GPD1L: variants seen among roughly 807,000 people sequenced by gnomAD.
GPD1L encodes the protein glycerol-3-phosphate dehydrogenase 1-like protein.
GPD1L carries 17 observed loss-of-function variants against 32.9 expected under a neutral mutation model. The observed-to-expected ratio is 0.52, with a 90% confidence interval of 0.35 to 0.78. The LOEUF (loss-of-function observed/expected upper bound fraction) is 0.78, where lower values mean the gene tolerates loss of function less well. Ranked by LOEUF, GPD1L falls within the 30% of genes least tolerant of loss-of-function variation. The pLI is 0.01. For missense variants in GPD1L, 361 were observed against 447.8 expected (o/e 0.81, Z 1.75); for synonymous variants, 187 against 165.9 (o/e 1.13, Z -0.98).
intron 1 of GPD1L, among the ~76,000 whole-genome samples, chr3:32,116,077 C>T (rs1406376538): frequency 2.0e-5 from 3 of 151,984 alleles, no homozygotes; most frequent in East Asian, 3.9e-4. Flanking sequence ...TGTGAGCCAC[C>T]GTGCCCGGCC....
intron 1 of GPD1L, among the ~76,000 whole-genome samples, chr3:32,119,547 A>G (rs1326238096): frequency 2.0e-5 from 3 of 152,200 alleles, no homozygotes; most frequent in Non-Finnish European, 4.4e-5. Flanking sequence ...TTCCCTATGT[A>G]GAGATCAAAT....
intron 4 of GPD1L, among the ~76,000 whole-genome samples, chr3:32,145,937 C>T (rs139191651): frequency 6.6e-5 from 10 of 152,130 alleles, no homozygotes; most frequent in African/African-American, 2.2e-4. Context: ...CTCACATGCC[C>T]GTCACCCATC....
intron 2 of GPD1L, among the ~76,000 whole-genome samples, chr3:32,136,582 C>T (rs1236553529): frequency 1.3e-5 from 2 of 152,168 alleles, no homozygotes; most frequent in Non-Finnish European, 2.9e-5. Flanking sequence ...ACTTCAGATA[C>T]ATTTTCTTTG....
intron 5 of GPD1L, among the ~76,000 whole-genome samples, chr3:32,152,657 G>T (rs1398689879): frequency 6.6e-6 from 1 of 152,030 alleles, no homozygotes; most frequent in East Asian, 1.9e-4. Flanking sequence ...TTCCTGTTAG[G>T]CCCCACCTCC....
At chr3:32,141,194 G>T (rs892057311) in intron 4 of GPD1L, among the ~76,000 whole-genome samples, 3 of 152,204 alleles carry the variant, frequency 2.0e-5, no homozygotes, top group Non-Finnish European at 4.4e-5. Context: ...TCTTGCATGA[G>T]ATGAATGCGC....
At position 32,106,817 on chromosome 3, in the gene GPD1L, G is replaced by A; in HGVS notation, c.47+59G>A. On this transcript the variant is annotated intron_variant, in intron 1 of 7. Coordinates refer to ENST00000282541, the MANE Select transcript of GPD1L (RefSeq NM_015141.4). The surrounding 1 kb of genome is among the most constrained non-coding windows in gnomAD (Gnocchi z 4.0). ...CTTCCAGGAAGCGCCTCTCCCGGGCGGTGAGGGCTGCGCGCCCCATGCTGC... is the reference window on the plus strand; with the variant it reads ...CTTCCAGGAAGCGCCTCTCCCGGGCAGTGAGGGCTGCGCGCCCCATGCTGC... 6.7e-7 allele frequency: 1 copy of A among 1,494,126 alleles called. No individual in the cohort carries two copies. Among genetic ancestry groups the A allele is most frequent in the Non-Finnish European group, 9.0e-7 (1 of 1,111,018 alleles). 92.6% of individuals were successfully genotyped at this position (1,494,126 alleles called of 1,614,324 possible). A position where few individuals can be genotyped will look rare whatever the true frequency, so the allele number is the denominator to read the frequency against.
chr3:32,110,286 C>T (rs1383920549), intron 1 of GPD1L, among the ~76,000 whole-genome samples: 1 of 152,212 alleles, frequency 6.6e-6, no homozygotes, highest in African/African-American at 2.4e-5. Context: ...ACTAGACTTG[C>T]TTAATCATAT....
At chr3:32,149,134 A>G (rs2125492157) in intron 5 of GPD1L, among the ~76,000 whole-genome samples, 1 of 152,330 alleles carries the variant, frequency 6.6e-6, no homozygotes, top group South Asian at 2.1e-4. Flanking sequence ...ATCATGGCTC[A>G]TTGCAACCTC....
Position 32,158,775 on chromosome 3 carries a change from G to A in GPD1L, c.619-101G>A, listed in dbSNP as rs1701032621. 4 of 1,547,138 alleles carry A rather than the reference G, an allele frequency of 2.6e-6. No individual in the cohort carries two copies. In the South Asian group the frequency reaches 4.8e-5, roughly 18 times the overall value. On this transcript the variant is annotated intron_variant, in intron 5 of 7. Coordinates refer to ENST00000282541, the MANE Select transcript of GPD1L (RefSeq NM_015141.4). The stretch of plus-strand genomic sequence containing the variant: ...TGAGTATTTTGAAGATGGAGCCAAT[G>A]TCCCTGGTCTGCCCCTGCCTCGGCA...
intron 4 of GPD1L, among the ~76,000 whole-genome samples, chr3:32,144,037 C>A (rs1184949508): frequency 6.6e-6 from 1 of 152,094 alleles, no homozygotes; most frequent in Non-Finnish European, 1.5e-5. Context: ...CTGGATTAGG[C>A]AGGGAGGGTT....
At chr3:32,144,461 AAC>A (rs1700791507) in intron 4 of GPD1L, among the ~76,000 whole-genome samples, 1 of 152,234 alleles carries the variant, frequency 6.6e-6, no homozygotes, top group Admixed American at 6.5e-5. Context: ...TAAGCACACA[AAC>A]ACATATGGAA....
chr3:32,111,564 G>A (rs1198445802), intron 1 of GPD1L, among the ~76,000 whole-genome samples: 4 of 152,230 alleles, frequency 2.6e-5, no homozygotes, highest in Non-Finnish European at 5.9e-5. Context: ...ATCCTTGATG[G>A]ACCTGTCATT....
intron 1 of GPD1L, among the ~76,000 whole-genome samples, chr3:32,123,942 T>G (rs1270675987): frequency 2.6e-5 from 4 of 152,218 alleles, no homozygotes; most frequent in Non-Finnish European, 5.9e-5. Context: ...TCCCCAACTA[T>G]GACCTGTTCA....
At chr3:32,115,443 C>G (rs945072273) in intron 1 of GPD1L, among the ~76,000 whole-genome samples, 3 of 152,224 alleles carry the variant, frequency 2.0e-5, no homozygotes, top group Non-Finnish European at 2.9e-5. Flanking sequence ...GTCCAGCTGG[C>G]TTCACCTCTC....
intron 2 of GPD1L, among the ~76,000 whole-genome samples, chr3:32,131,024 T>C (rs1312371787): frequency 2.0e-5 from 3 of 150,660 alleles, no homozygotes; most frequent in Non-Finnish European, 4.4e-5. Context: ...AAAAAAAAAA[T>C]AGAATGCTCC....
Position 32,131,832 on chromosome 3 carries a change from G to A in GPD1L, c.225+3579G>A, listed in dbSNP as rs555110996. On this transcript the variant is annotated intron_variant, in intron 2 of 7. Transcript: ENST00000282541. ...TGCCAGACTGTTTTACAAAGTGGCT[G>A]TACCATTTTACATTCCTATCAACAG... Among the ~76,000 whole-genome samples, 26 of 152,338 alleles carry A rather than the reference G, an allele frequency of 1.7e-4. No individual in the cohort carries two copies. The South Asian group carries it at 5.0e-3, about 29-fold the overall frequency.
chr3:32,152,628 A>G (rs1700934193), intron 5 of GPD1L, among the ~76,000 whole-genome samples: 1 of 152,170 alleles, frequency 6.6e-6, no homozygotes. Flanking sequence ...TGAAGGCAGA[A>G]CACGCATGAC....
chr3:32,159,766 G>A (rs1701051402), intron 7 of GPD1L, 92 bp downstream of exon 7: 2 of 807,772 alleles, frequency 2.5e-6, no homozygotes, highest in African/African-American at 3.4e-5. Flanking sequence ...TAGACTATTT[G>A]ACAAGTGCCC....
chr3:32,124,888 A>G lies in GPD1L; in HGVS notation c.48-3188A>G, dbSNP rs75474409. On this transcript the variant is annotated intron_variant, in intron 1 of 7. Transcript: ENST00000282541. ...CAGTGAGCCATGATTGCACCACTGC[A>G]CTCCAGCCTGGAGGACAGAGCAAGA... is the stretch of plus-strand genomic sequence containing the variant. 0.023 allele frequency among the ~76,000 whole-genome samples: 3,474 copies of G among 152,130 alleles called. 272 individuals are homozygous for G. In the East Asian group the frequency reaches 0.24, roughly 10 times the overall value.
Sources: allele counts gnomAD v4.1 joint callset (sites outside exome capture counted in the v4.1 genomes callset), GRCh38; gene constraint gnomAD v4.1.1; non-coding constraint Gnocchi (gnomAD v3.1); transcripts MANE v1.5; gene names NCBI Gene and HGNC (gene_info 2026-07-23, HGNC 2026-07-21).